The following ARHGAP8 variants were observed in gnomAD, a reference collection of about 807,000 sequenced individuals.
The protein encoded by ARHGAP8 is Rho GTPase activating protein 8, also known as rho GTPase-activating protein 8.
Under a neutral mutation model 46.1 loss-of-function variants are expected in ARHGAP8, and 62 were observed. That is an observed-to-expected ratio of 1.34 (90% CI 1.10 to 1.66). ARHGAP8 has a LOEUF of 1.66. Ranked by LOEUF, ARHGAP8 falls within the 40% of genes most tolerant of loss-of-function variation. The probability of loss-of-function intolerance (pLI) is 0.00; values close to 1 mark genes in which losing one functional copy is unlikely to be tolerated. For synonymous variants in ARHGAP8, 375 were observed against 243.1 expected, an observed-to-expected ratio of 1.54 and a Z score of -5.05; for missense variants, 923 against 568.4, an observed-to-expected ratio of 1.62 and a Z score of -6.34.
chr22:44,792,076 G>A (rs1218513668), intron 2 of ARHGAP8, among the ~76,000 whole-genome samples: 2 of 150,614 alleles, frequency 1.3e-5, no homozygotes, highest in Admixed American at 6.6e-5. Flanking sequence ...GCAGTGGTGC[G>A]ATCTCAGCTC....
At chr22:44,848,504 C>A (rs1470688912) in intron 9 of ARHGAP8, among the ~76,000 whole-genome samples, 1 of 152,256 alleles carries the variant, frequency 6.6e-6, no homozygotes, top group Non-Finnish European at 1.5e-5. Flanking sequence ...GCTGACAAGA[C>A]TTGCCCTCGC....
intron 7 of ARHGAP8, among the ~76,000 whole-genome samples, chr22:44,826,572 A>G (rs1467969190): frequency 2.0e-5 from 3 of 151,862 alleles, no homozygotes; most frequent in Non-Finnish European, 4.4e-5. Context: ...TTACAGGCGC[A>G]CACCACCACG....
intron 5 of ARHGAP8, among the ~76,000 whole-genome samples, chr22:44,821,445 TATATCTTAAACATATACAATAAAGAAATA>T (rs1930141798): frequency 6.6e-6 from 1 of 152,040 alleles, no homozygotes; most frequent in African/African-American, 2.4e-5. Flanking sequence ...AAAAAAGTTG[TATATCTTAAACATATACAATAAAGAAATA>T]ATACTGTCCT....
intron 7 of ARHGAP8, among the ~76,000 whole-genome samples, chr22:44,840,949 C>T (rs1931611916): frequency 6.6e-6 from 1 of 152,232 alleles, no homozygotes; most frequent in Non-Finnish European, 1.5e-5. Flanking sequence ...AAGCGCCTCA[C>T]TGAGTACCTG....
At chr22:44,753,597 T>C (rs1247035728) in intron 1 of ARHGAP8, among the ~76,000 whole-genome samples, 1 of 142,314 alleles carries the variant, frequency 7.0e-6, no homozygotes, top group Non-Finnish European at 1.5e-5. Flanking sequence ...TGCCTTTCAC[T>C]TTCCCTCAAT....
Position 44,862,566 on chromosome 22 carries a change from C to G in ARHGAP8, c.1273C>G (p.Pro425Ala), listed in dbSNP as rs749869418. Residue 425 changes from proline to alanine, a missense_variant, in exon 12 of 12, where the codon CCC (proline) becomes GCC (alanine). By Grantham distance (27) the Pro-to-Ala change is conservative. Transcript: ENST00000356099. ...CACCAAGCCTACCCTACCTCCGAGTCCCCTGATGGCAGCCAGAAGACGTCT... is the reference window on the plus strand; with the variant it reads ...CACCAAGCCTACCCTACCTCCGAGTGCCCTGATGGCAGCCAGAAGACGTCT... The part of the protein sequence containing the change: ...GLTKPTLPPS[P>A]LMAARRRL 149 of 1,592,156 alleles carry G rather than the reference C, an allele frequency of 9.4e-5. No individual in the cohort carries two copies. Among genetic ancestry groups the G allele is most frequent in the Non-Finnish European group, 1.2e-4 (144 of 1,164,240 alleles).
chr22:44,795,667 G>A (rs1928029965), intron 2 of ARHGAP8, among the ~76,000 whole-genome samples: 1 of 152,182 alleles, frequency 6.6e-6, no homozygotes, highest in Admixed American at 6.5e-5. Flanking sequence ...GAGCCTGTAG[G>A]TGTGAGAAGG....
intron 4 of ARHGAP8, 125 bp downstream of exon 4, chr22:44,808,563 G>C: frequency 1.3e-6 from 2 of 1,500,768 alleles, no homozygotes; most frequent in Non-Finnish European, 1.8e-6. Context: ...AGGGTGGAGG[G>C]TGAGCAAATG....
intron 2 of ARHGAP8, chr22:44,801,868 C>T (rs1233232535): frequency 1.7e-5 from 10 of 593,602 alleles, no homozygotes; most frequent in Non-Finnish European, 2.4e-5. Context: ...TTATTTCCAG[C>T]GTACGGCTGG....
chr22:44,791,672 C>A (rs1187353386), intron 2 of ARHGAP8, among the ~76,000 whole-genome samples: 1 of 152,086 alleles, frequency 6.6e-6, no homozygotes, highest in African/African-American at 2.4e-5. Context: ...TCATTGCACT[C>A]CAGCCTGGGT....
intron 8 of ARHGAP8, among the ~76,000 whole-genome samples, 157 bp from the exon 9 acceptor site, chr22:44,847,816 G>T (rs1209148457): frequency 1.3e-5 from 2 of 152,198 alleles, no homozygotes; most frequent in South Asian, 2.1e-4. Context: ...GTGGGAAATC[G>T]GGTGGGTTGG....
At chr22:44,763,765 G>A (rs534016210) in intron 1 of ARHGAP8, among the ~76,000 whole-genome samples, 168 of 151,002 alleles carry the variant, frequency 1.1e-3, no homozygotes, top group Middle Eastern at 3.4e-3. Context: ...GGCGGAATCG[G>A]TGTGTTTATT....
intron 11 of ARHGAP8, among the ~76,000 whole-genome samples, chr22:44,860,637 CTA>C (rs1748057900): frequency 1.3e-5 from 1 of 79,752 alleles, no homozygotes; most frequent in African/African-American, 5.4e-5. Flanking sequence ...ATTCAATCTA[CTA>C]CACACCAGGC....
At chr22:44,801,211 C>T (rs1602195423) in intron 2 of ARHGAP8, among the ~76,000 whole-genome samples, 1 of 77,802 alleles carries the variant, frequency 1.3e-5, no homozygotes, top group Non-Finnish European at 2.4e-5. Context: ...TGTGTGGGGG[C>T]GCCTCTCCCC....
At chr22:44,785,818 A>G (rs6007294) in intron 1 of ARHGAP8, among the ~76,000 whole-genome samples, 1,592 of 152,254 alleles carry the variant, frequency 0.01, 28 homozygotes, top group African/African-American at 0.037. Flanking sequence ...CTCATATGGC[A>G]GTGACCCCAG....
chr22:44,802,032 C>T (rs1316749546), intron 2 of ARHGAP8, 45 bp from the exon 3 acceptor site: 1 of 1,607,540 alleles, frequency 6.2e-7, no homozygotes, highest in South Asian at 1.1e-5. Flanking sequence ...TGAGGATTTT[C>T]TAGGAGAAGG....
At position 44,862,379 on chromosome 22, in the gene ARHGAP8, C is replaced by T. The variant is rs1251827280; in HGVS notation, c.1086C>T (p.Ala362=). 5 of 1,614,022 alleles carry T rather than the reference C, an allele frequency of 3.1e-6. No individual in the cohort carries two copies. The highest frequency in any genetic ancestry group is 4.5e-5 in the East Asian group (2 of 44,888). ...WPSQGVSSLS[A]LVPLNMFTEL... is the part of the protein sequence containing the mutation. ...CCCAGGGGGTCTCCTCCCTGAGTGC[C>T]CTTGTGCCCCTGAACATGTTCACTG... is the stretch of plus-strand genomic sequence containing the variant. Residue 362 remains alanine, a synonymous_variant, in exon 12 of 12, where the codon GCC becomes GCT. Coordinates refer to ENST00000356099, the MANE Select transcript of ARHGAP8 (RefSeq NM_181335.3).
Position 44,786,534 on chromosome 22 carries a change from G to A in ARHGAP8, c.7G>A (p.Gly3Ser). 1 of 1,613,384 alleles carries A rather than the reference G, an allele frequency of 6.2e-7. No homozygotes were observed. Among genetic ancestry groups the A allele is most frequent in the South Asian group, 1.1e-5 (1 of 90,918 alleles). Residue 3 changes from glycine (G) to serine (S), a missense_variant, in exon 2 of 12, where the codon GGC becomes AGC. Physicochemically the swap from Gly to Ser is moderately conservative, Grantham distance 56. Transcript: ENST00000356099. MAGQDPALSTSHP... is the reference protein window; with the variant it reads MASQDPALSTSHP... ...GAGGCCCTCGGTGGTGCCCATGGCT[G>A]GCCAGGATCCTGCGCTGAGCACGAG... is the stretch of plus-strand genomic sequence containing the variant.
At chr22:44,815,766 G>T (rs1422883281) in intron 5 of ARHGAP8, among the ~76,000 whole-genome samples, 4 of 152,124 alleles carry the variant, frequency 2.6e-5, no homozygotes, top group Admixed American at 1.3e-4. Context: ...GGGAGGCTCT[G>T]CCTGGGTCGC....
Sources: allele counts gnomAD v4.1 joint callset (sites outside exome capture counted in the v4.1 genomes callset), GRCh38; gene constraint gnomAD v4.1.1; transcripts MANE v1.5; gene names NCBI Gene and HGNC (gene_info 2026-07-23, HGNC 2026-07-21).